Variants in GFI1B observed in about 807,000 individuals in gnomAD.
GFI1B encodes the protein growth factor independent 1B transcriptional repressor.
A neutral mutation model predicts 35.3 loss-of-function variants in GFI1B; 20 were observed. That is an observed-to-expected ratio of 0.57 (90% CI 0.40 to 0.82). GFI1B has a LOEUF of 0.82. Among genes scored for constraint, GFI1B ranks in the 40% least tolerant of loss-of-function variants. The pLI is 0.00. For synonymous variants in GFI1B, 178 were observed against 177.6 expected (o/e 1.00, Z -0.02); for missense variants, 430 against 446.3 (o/e 0.96, Z 0.33).
Position 132,978,825 on chromosome 9 carries a change from G to GGGACAGCTCC in GFI1B, c.-30_-21dup, listed in dbSNP as rs1223985246. The GGGACAGCTCC allele has an allele frequency of 6.6e-6, 1 of 152,378 alleles. No homozygotes were observed. Among genetic ancestry groups the GGGACAGCTCC allele is most frequent in the African/African-American group, 2.4e-5 (1 of 41,462 alleles). 9.4% of individuals were successfully genotyped at this position (152,378 alleles called of 1,614,324 possible). A position where few individuals can be genotyped will look rare whatever the true frequency, so the allele number is the denominator to read the frequency against. On this transcript the variant is annotated 5_prime_UTR_variant, in exon 1 of 7. Transcript: ENST00000372122. Reference sequence around the variant, plus strand: ...GGAAGCTCCGGCAGAACCCAGGCGAGGGACAGCTCCGGACAGGTGAGTGCT... The same window carrying GGGACAGCTCC: ...GGAAGCTCCGGCAGAACCCAGGCGAGGGACAGCTCCGGACAGCTCCGGACAGGTGAGTGCT...
chr9:132,969,031 G>A (rs530880289), intron 1 of GFI1B, among the ~76,000 whole-genome samples: 3 of 148,336 alleles, frequency 2.0e-5, no homozygotes, highest in African/African-American at 7.9e-5. Flanking sequence ...TCTATGATTT[G>A]TTTTATGTTT....
At position 132,989,081 on chromosome 9, in the gene GFI1B, G is replaced by T; in HGVS notation, c.531G>T (p.Gly177=). The T allele has an allele frequency of 6.2e-7, 1 of 1,614,036 alleles. No homozygotes were observed. Among genetic ancestry groups the T allele is most frequent in the Non-Finnish European group, 8.5e-7 (1 of 1,179,904 alleles). ...KCNKVFSTPH[G]LEVHVRRSHS... ...CCCAGGTCTTCTCCACCCCTCACGG[G>T]CTCGAAGTGCATGTGCGACGCTCCC... The change falls in exon 5 of 7, where the codon GGG becomes GGT. Residue 177 remains glycine, a synonymous_variant. Coordinates refer to ENST00000372122, the MANE Select transcript of GFI1B (RefSeq NM_001377304.1). The surrounding 1 kb of genome is among the most constrained non-coding windows in gnomAD (Gnocchi z 6.2).
At chr9:132,980,410 G>A (rs557526605) in intron 1 of GFI1B, among the ~76,000 whole-genome samples, 10 of 152,318 alleles carry the variant, frequency 6.6e-5, no homozygotes, top group African/African-American at 1.2e-4. Flanking sequence ...GAGGCTTTTC[G>A]TGTGTTCCTT....
chr9:132,986,849 G>A, intron 2 of GFI1B, 71 bp downstream of exon 2: 2 of 899,896 alleles, frequency 2.2e-6, no homozygotes, highest in Non-Finnish European at 3.6e-6. Context: ...TGAGGGTGCA[G>A]CAGCGTCCCT....
chr9:132,974,601 CAAA>C (rs11243966), upstream of GFI1B, among the ~76,000 whole-genome samples: 153 of 79,832 alleles, frequency 1.9e-3, 4 homozygotes, highest in Non-Finnish European at 1.2e-3. Flanking sequence ...GAATCCGTCT[CAAA>C]AAAAAAAAAA....
At chr9:132,988,960 C>T in intron 4 of GFI1B, 101 bp from the exon 5 acceptor site, 2 of 1,171,578 alleles carry the variant, frequency 1.7e-6, no homozygotes, top group Non-Finnish European at 2.5e-6. Flanking sequence ...CTCTGTGTAC[C>T]CAGCCTTGGC....
At chr9:132,959,084 C>A (rs933057959) in intron 1 of GFI1B, among the ~76,000 whole-genome samples, 3 of 152,188 alleles carry the variant, frequency 2.0e-5, no homozygotes, top group African/African-American at 7.2e-5. Flanking sequence ...CTTAAATTCC[C>A]AGCTCAGAAG....
At chr9:132,986,821 G>A (rs759599251) in intron 2 of GFI1B, 43 bp downstream of exon 2, 4 of 1,194,544 alleles carry the variant, frequency 3.3e-6, no homozygotes, top group South Asian at 2.5e-5. Flanking sequence ...CCCACGGGGG[G>A]CTCTCTGCTC....
rs7028250 is a variant in GFI1B at position 132,964,412 on chromosome 9, A to C, written c.-700-8313A>C. 4.3e-3 allele frequency among the ~76,000 whole-genome samples: 658 copies of C among 152,284 alleles called. 4 individuals carry two copies. The highest frequency in any genetic ancestry group is 0.015 in the African/African-American group (623 of 41,554). On this transcript the variant is annotated intron_variant, in intron 1 of 10. Coordinates refer to the GFI1B transcript ENST00000339463. ...CCTTCACTGTATACAAACAAAACCC[A>C]GTAATGCTAAATTCAAACTGAGAAT...
rs370365292 is a variant in GFI1B, at chr9:132,968,849, A to G, written c.-700-3876A>G. ...TATTATCCTAATTATTTTTAAGCGT[A>G]TAGTTCAGTGGCATCGGCTTAAGTA... On this transcript the variant is annotated intron_variant, in intron 1 of 10. Coordinates refer to the GFI1B transcript ENST00000339463. Among the ~76,000 whole-genome samples the G allele has an allele frequency of 1.8e-3, 271 of 152,286 alleles. 3 individuals carry two copies. The highest frequency in any genetic ancestry group is 5.5e-3 in the African/African-American group (228 of 41,558).
intron 1 of GFI1B, among the ~76,000 whole-genome samples, chr9:132,960,921 G>A (rs896197794): frequency 6.6e-6 from 1 of 152,010 alleles, no homozygotes; most frequent in Non-Finnish European, 1.5e-5. Context: ...ACACTCCGCA[G>A]CGTGTTGGAT....
chr9:132,957,209 A>G (rs949940530), intron 1 of GFI1B, among the ~76,000 whole-genome samples: 2 of 152,222 alleles, frequency 1.3e-5, no homozygotes, highest in African/African-American at 2.4e-5. Flanking sequence ...TTTGCTTCCA[A>G]TGCTTAGCAC....
intron 1 of GFI1B, among the ~76,000 whole-genome samples, chr9:132,965,558 C>G (rs11243956): frequency 1.3e-5 from 2 of 152,230 alleles, no homozygotes; most frequent in South Asian, 4.1e-4. Context: ...GATTAGCCGG[C>G]TGGGTTCTAA....
At chr9:132,987,559 G>C (rs1158112928) in intron 3 of GFI1B, 140 bp downstream of exon 3, 2 of 967,648 alleles carry the variant, frequency 2.1e-6, no homozygotes, top group Non-Finnish European at 3.2e-6. Context: ...GGGCTCTGTG[G>C]CTTCTGCTTG....
At chr9:132,955,632 T>C (rs1848270230) in intron 1 of GFI1B, among the ~76,000 whole-genome samples, 1 of 152,240 alleles carries the variant, frequency 6.6e-6, no homozygotes, top group Non-Finnish European at 1.5e-5. Flanking sequence ...TGTCTCTTAA[T>C]TGACAAAATT....
upstream of GFI1B, among the ~76,000 whole-genome samples, chr9:132,977,039 C>T (rs1451479992): frequency 6.6e-6 from 1 of 152,186 alleles, no homozygotes; most frequent in Non-Finnish European, 1.5e-5. Flanking sequence ...CTCACCGCAA[C>T]CTCTGCCTTC....
chr9:132,975,835 A>G (rs1474460161), upstream of GFI1B, among the ~76,000 whole-genome samples: 1 of 152,218 alleles, frequency 6.6e-6, no homozygotes, highest in African/African-American at 2.4e-5. Flanking sequence ...AGGGCTGCTC[A>G]CTAAGGGAAG....
Position 132,979,868 on chromosome 9 carries a change from G to A in GFI1B, c.-21+1027G>A, listed in dbSNP as rs116775791. On this transcript the variant is annotated intron_variant, in intron 1 of 6. Transcript: ENST00000372122. ...GGGAGAAAGTCCAGAGCTTTCACGA[G>A]TTCTTAGGGAGTAAATTCGATTACA... Among the ~76,000 whole-genome samples the A allele has an allele frequency of 1.1e-3, 168 of 152,336 alleles. 2 individuals carry two copies. The highest frequency in any genetic ancestry group is 3.1e-3 in the African/African-American group (130 of 41,574).
At chr9:132,981,599 C>T (rs1403019211) in intron 1 of GFI1B, among the ~76,000 whole-genome samples, 4 of 152,010 alleles carry the variant, frequency 2.6e-5, no homozygotes, top group Non-Finnish European at 5.9e-5. Context: ...GATCAAACCA[C>T]TGCACTCCAG....
Sources: allele counts gnomAD v4.1 joint callset (sites outside exome capture counted in the v4.1 genomes callset), GRCh38; gene constraint gnomAD v4.1.1; non-coding constraint Gnocchi (gnomAD v3.1); transcripts MANE v1.5; gene names NCBI Gene and HGNC (gene_info 2026-07-23, HGNC 2026-07-21).